NBPF9: variants seen among roughly 807,000 people sequenced by gnomAD.
The protein encoded by NBPF9 is NBPF family member NBPF9.
Under a neutral mutation model 97.8 loss-of-function variants are expected in NBPF9, and 91 were observed. The ratio of observed to expected loss-of-function variants is 0.93; its 90% confidence interval spans 0.79 to 1.11. The LOEUF is 1.11. NBPF9 is among the 50% of genes least tolerant of loss of function. The pLI is 0.00. For synonymous variants in NBPF9, 334 were observed against 359.5 expected (o/e 0.93, Z 0.80); for missense variants, 992 against 939.5 (o/e 1.06, Z -0.73).
At chr1:149,080,854 T>G (rs1334509403) in intron 7 of NBPF9, among the ~76,000 whole-genome samples, 3 of 150,614 alleles carry the variant, frequency 2.0e-5, no homozygotes, top group African/African-American at 7.4e-5. Flanking sequence ...ATGCCTCATG[T>G]AATTCATTGC....
intron 4 of NBPF9, among the ~76,000 whole-genome samples, chr1:149,091,595 GA>G (rs1200427966): frequency 2.6e-5 from 4 of 151,406 alleles, no homozygotes; most frequent in African/African-American, 4.8e-5. Context: ...ATGGTTTCAA[GA>G]AATGCAGAGC....
In NBPF9 at chr1:149,062,125, T is replaced by C. The variant is rs1200690993; in HGVS notation, c.2219A>G (p.Glu740Gly). Residue 740 changes from glutamate (E) to glycine (G), a missense_variant, in exon 22 of 30, where the codon GAA (glutamate) becomes GGA (glycine). Around this residue, in one of 11 missense-constraint regions of NBPF9, gnomAD observed 397 missense variants for 213.6 expected, o/e 1.86. Transcript: ENST00000584027. ...GTCAAGAGCCAAGCCAAGGTACTGT[T>C]CCTCCAATGAGTAAACAGCACTGCT... is the stretch of plus-strand genomic sequence containing the variant. 5,789 of 1,134,016 alleles carry C rather than the reference T, an allele frequency of 5.1e-3. 70 individuals carry two copies. Among genetic ancestry groups the C allele is most frequent in the Non-Finnish European group, 6.7e-3 (5,053 of 754,616 alleles). 70.2% of individuals were successfully genotyped at this position (1,134,016 alleles called of 1,614,324 possible). A position where few individuals can be genotyped will look rare whatever the true frequency, so the allele number is the denominator to read the frequency against.
chr1:149,062,028 C>G, intron 22 of NBPF9, 65 bp downstream of exon 22: 1 of 706,928 alleles, frequency 1.4e-6, no homozygotes, highest in Non-Finnish European at 2.4e-6. Flanking sequence ...CCACTTGGAA[C>G]AGGAATATCA....
intron 4 of NBPF9, among the ~76,000 whole-genome samples, chr1:149,093,202 T>G (rs1417674830): frequency 6.6e-6 from 1 of 151,598 alleles, no homozygotes; most frequent in Non-Finnish European, 1.5e-5. Flanking sequence ...TTGATGTGCA[T>G]ATACAGAAAC....
rs1452394771 is a variant in NBPF9, at chr1:149,059,772, C to T, written c.2513G>A (p.Gly838Glu). 10 of 564,154 alleles carry T rather than the reference C, an allele frequency of 1.8e-5. 3 individuals carry two copies. Among genetic ancestry groups the T allele is most frequent in the African/African-American group, 1.0e-4 (4 of 39,060 alleles). The allele number at this position is 564,154 out of a possible 1,614,324, so 34.9% of individuals were successfully genotyped here. The change falls in exon 25 of 30, where the codon GGA becomes GAA. Residue 838 changes from glycine (G) to glutamate (E), a missense_variant. Gly to Glu is a moderately conservative substitution (Grantham distance 98, BLOSUM62 -2). Coordinates refer to ENST00000584027, the Ensembl canonical transcript of NBPF9. ...TCTTCTTTTCTTCTTTGATCTTCTT[C>T]CCCTTCTTTTCTTCCCCTTCCCCTT...
exon 30 of NBPF9, chr1:149,055,297 A>G: frequency 2.4e-6 from 1 of 417,592 alleles, no homozygotes; most frequent in East Asian, 5.7e-5. Flanking sequence ...TGGATGAGCT[A>G]AACACAAAGA....
In NBPF9 at chr1:149,055,638, C is replaced by T. The variant is rs368054346; in HGVS notation, c.*18G>A. 2.6e-3 allele frequency: 4,258 copies of T among 1,611,674 alleles called. 45 individuals are homozygous for T. Among genetic ancestry groups the T allele is most frequent in the East Asian group, 0.018 (800 of 44,866 alleles). On this transcript the variant is annotated 3_prime_UTR_variant, in exon 30 of 30. Transcript: ENST00000584027. ...TCCTGCCTGCAGGAATGACATCTCT[C>T]GGCTTAGTAAGGGCTGCTTATTGTG...
chr1:149,070,911 G>A (rs1258191092), intron 16 of NBPF9, 23 bp downstream of exon 16: 2 of 1,611,436 alleles, frequency 1.2e-6, no homozygotes, highest in Non-Finnish European at 1.7e-6. Context: ...AGAGGTATGA[G>A]ACACAAGGAA....
Position 149,062,766 on chromosome 1 carries a change from T to G in NBPF9, c.2078+96A>C, listed in dbSNP as rs2078713614. On this transcript the variant is annotated intron_variant, in intron 21 of 29. Coordinates refer to ENST00000584027, the Ensembl canonical transcript of NBPF9. Reference sequence around the variant, plus strand: ...GGCAGTAGGAGTAATTCAACCTCCGTTGAAAACATGAAATTGAACACACTC... The same window carrying G: ...GGCAGTAGGAGTAATTCAACCTCCGGTGAAAACATGAAATTGAACACACTC... The G allele has an allele frequency of 1.3e-5, 10 of 774,302 alleles. No individual in the cohort carries two copies. The South Asian group carries it at 1.3e-4, about 10-fold the overall frequency. 48.0% of individuals were successfully genotyped at this position (774,302 alleles called of 1,614,324 possible).
At chr1:149,088,530 G>C (rs1298230058) in intron 5 of NBPF9, among the ~76,000 whole-genome samples, 2 of 151,990 alleles carry the variant, frequency 1.3e-5, no homozygotes, top group Non-Finnish European at 2.9e-5. Context: ...GTTACCTGTG[G>C]GTTCTTCAAA....
intron 4 of NBPF9, among the ~76,000 whole-genome samples, chr1:149,097,726 G>T (rs1196318118): frequency 7.9e-5 from 12 of 151,762 alleles, no homozygotes; most frequent in Non-Finnish European, 7.4e-5. Context: ...AGATTTACTC[G>T]TTATGGGGTC....
At chr1:149,058,730 G>T in intron 26 of NBPF9, 195 bp downstream of exon 26, 1 of 493,670 alleles carries the variant, frequency 2.0e-6, no homozygotes, top group Non-Finnish European at 3.6e-6. Context: ...ACTAGGAATA[G>T]AGCCTTGCTC....
chr1:149,095,837 C>T (rs1334430915), intron 4 of NBPF9, among the ~76,000 whole-genome samples: 1 of 151,906 alleles, frequency 6.6e-6, no homozygotes, highest in African/African-American at 2.4e-5. Flanking sequence ...AACCAGAACT[C>T]TCCATAGCTA....
chr1:149,073,730 CACCTGCCCCCCT>C (rs1329794713), intron 13 of NBPF9, 26 bp downstream of exon 13: 82 of 1,500,724 alleles, frequency 5.5e-5, no homozygotes, highest in Non-Finnish European at 7.2e-5. Flanking sequence ...GAGATTTACA[CACCTGCCCCCCT>C]GCCTGCCCCC....
intron 1 of NBPF9, 26 bp downstream of exon 1, chr1:149,103,275 C>G (rs1361321838): frequency 1.3e-5 from 2 of 151,514 alleles, no homozygotes; most frequent in African/African-American, 4.8e-5. Flanking sequence ...ACTCACCGCC[C>G]GCCCGGCCTG....
At chr1:149,087,047 C>G (rs1261168532) in intron 5 of NBPF9, among the ~76,000 whole-genome samples, 3 of 151,916 alleles carry the variant, frequency 2.0e-5, no homozygotes, top group Admixed American at 6.6e-5. Flanking sequence ...CTATTTTCAG[C>G]CTTTTTAATT....
intron 11 of NBPF9, 50 bp downstream of exon 11, chr1:149,077,158 T>A (rs1553654604): frequency 9.9e-7 from 1 of 1,013,002 alleles, no homozygotes; most frequent in African/African-American, 1.6e-5. Context: ...TCAGAATTGA[T>A]CTTCCATAGC....
At chr1:149,064,767 T>A in intron 18 of NBPF9, 3 of 604,810 alleles carry the variant, frequency 5.0e-6, no homozygotes. Context: ...CCCAATAAAT[T>A]GTAGGCAAAT....
Position 149,077,740 on chromosome 1 carries a change from T to C in NBPF9, c.566+143A>G, listed in dbSNP as rs2152903974. On this transcript the variant is annotated intron_variant, in intron 10 of 29. Transcript: ENST00000584027. ...GAGAAACACGACAGCTGCCGCACCC[T>C]GTGTCTAAGCTGGGTTCAATTTCAC... 5 of 1,036,606 alleles carry C rather than the reference T, an allele frequency of 4.8e-6. No homozygotes were observed. The East Asian group carries it at 1.2e-4, about 25-fold the overall frequency. 64.2% of individuals were successfully genotyped at this position (1,036,606 alleles called of 1,614,324 possible).
Sources: gnomAD v4.1 joint callset for allele counts (sites outside exome capture counted in the v4.1 genomes callset) on GRCh38, gnomAD v4.1.1 for gene constraint, gnomAD v4.1.1 regional missense constraint, MANE v1.5 for transcripts, NCBI Gene and HGNC (gene_info 2026-07-23, HGNC 2026-07-21) for gene names.